Variants in ZC3H18 observed in about 807,000 individuals in gnomAD.
ZC3H18 encodes zinc finger CCCH-type containing 18.
Under a neutral mutation model 106.1 loss-of-function variants are expected in ZC3H18, and 8 were observed. The ratio of observed to expected loss-of-function variants is 0.08; its 90% CI spans 0.04 to 0.14. The LOEUF is 0.14. ZC3H18 is among the 10% of genes least tolerant of loss of function. The pLI is 1.00. For synonymous variants in ZC3H18, 635 were observed against 522.1 expected (o/e 1.22, Z -2.95); for missense variants, 1,318 against 1,278.4 (o/e 1.03, Z -0.47).
At position 88,608,971 on chromosome 16, in the gene ZC3H18, A is replaced by G. The variant is rs1305642783; in HGVS notation, c.1126A>G (p.Ile376Val). Residue 376 changes from isoleucine to valine, a missense_variant, in exon 7 of 18, where the codon ATT (isoleucine) becomes GTT (valine). By Grantham distance (29) the Ile-to-Val change is conservative. Around this residue, in one of 6 missense-constraint regions of ZC3H18, gnomAD observed 848 missense variants for 821.7 expected, o/e 1.03. Transcript: ENST00000301011. ...CGCAGACCCTTATTATGACTATGAAATTGAGCGGTTTTGGCGTGGCGGACA... is the reference window on the plus strand; with the variant it reads ...CGCAGACCCTTATTATGACTATGAAGTTGAGCGGTTTTGGCGTGGCGGACA... Reference protein sequence around the residue: ...PYADPYYDYEIERFWRGGQYE... With the variant: ...PYADPYYDYEVERFWRGGQYE... 3.7e-6 allele frequency: 6 copies of G among 1,613,808 alleles called. No individual in the cohort carries two copies. In the African/African-American group the frequency reaches 6.7e-5, roughly 18 times the overall value.
chr16:88,572,956 ACT>A (rs1425671801), intron 1 of ZC3H18, among the ~76,000 whole-genome samples: 1 of 151,878 alleles, frequency 6.6e-6, no homozygotes, highest in East Asian at 1.9e-4. Flanking sequence ...CAGGGGTTTC[ACT>A]GTGTTGGCCA....
At chr16:88,571,188 T>C (rs1031037534) in intron 1 of ZC3H18, among the ~76,000 whole-genome samples, 7 of 152,240 alleles carry the variant, frequency 4.6e-5, no homozygotes, top group Non-Finnish European at 1.0e-4. Flanking sequence ...TTAACAGCCT[T>C]ACTCCTGCCA....
At position 88,628,003 on chromosome 16, in the gene ZC3H18, C is replaced by T. The variant is rs1906420591; in HGVS notation, c.2353C>T (p.Pro785Ser). Residue 785 changes from proline (P) to serine (S), a missense_variant, in exon 15 of 18, where the codon CCA (proline) becomes TCA (serine). Transcript: ENST00000301011. The part of the protein sequence containing the change: ...STQPPKSAKP[P>S]AGGKSSQQPS... Reference sequence around the variant, plus strand: ...ACAACCACCCAAATCTGCAAAACCTCCAGCAGGGGGGAAGTCCTCCCAGCA... The same window carrying T: ...ACAACCACCCAAATCTGCAAAACCTTCAGCAGGGGGGAAGTCCTCCCAGCA... The T allele has an allele frequency of 2.5e-6, 4 of 1,614,190 alleles. No homozygotes were observed. The highest frequency in any genetic ancestry group is 3.4e-6 in the Non-Finnish European group (4 of 1,180,044).
At chr16:88,572,527 A>G (rs1010039556) in intron 1 of ZC3H18, among the ~76,000 whole-genome samples, 1 of 152,060 alleles carries the variant, frequency 6.6e-6, no homozygotes, top group African/African-American at 2.4e-5. Flanking sequence ...AGACGGGACG[A>G]TGGGCACTTG....
chr16:88,575,401 G>A (rs1159678118), intron 1 of ZC3H18, among the ~76,000 whole-genome samples: 2 of 151,960 alleles, frequency 1.3e-5, no homozygotes, highest in Non-Finnish European at 2.9e-5. Flanking sequence ...CAGTGTGACC[G>A]TGACATACGT....
Position 88,623,285 on chromosome 16 carries a change from C to T in ZC3H18, c.1734C>T (p.Ser578=). Residue 578 remains serine (S), a synonymous_variant, in exon 10 of 18, where the codon TCC becomes TCT. Coordinates refer to ENST00000301011, the MANE Select transcript of ZC3H18 (RefSeq NM_144604.4). ...CCCGGTCGCGATCCCGGTCTTCATCCTACAGCTCCTACTCCAGCCGCTCTT... is the reference window on the plus strand; with the variant it reads ...CCCGGTCGCGATCCCGGTCTTCATCTTACAGCTCCTACTCCAGCCGCTCTT... ...GSSRSRSRSS[S]YSSYSSRSSR... 1 of 1,613,796 alleles carries T rather than the reference C, an allele frequency of 6.2e-7. No homozygotes were observed.
At chr16:88,602,200 A>T (rs1904784139) in intron 6 of ZC3H18, among the ~76,000 whole-genome samples, 1 of 152,228 alleles carries the variant, frequency 6.6e-6, no homozygotes, top group Non-Finnish European at 1.5e-5. Flanking sequence ...AGCAGGTCGC[A>T]GCTTGTAGGG....
intron 2 of ZC3H18, among the ~76,000 whole-genome samples, chr16:88,582,219 C>CT (rs71391393): frequency 0.08 from 6,153 of 76,656 alleles, 705 homozygotes; most frequent in Non-Finnish European, 0.099. Flanking sequence ...TTTTTCTTTT[C>CT]TTTTTTTTTT....
intron 3 of ZC3H18, among the ~76,000 whole-genome samples, chr16:88,594,734 A>G (rs373252139): frequency 2.6e-5 from 4 of 152,372 alleles, no homozygotes; most frequent in East Asian, 3.9e-4. Context: ...TAGGTGGTCA[A>G]CTTCACAGTG....
intron 8 of ZC3H18, among the ~76,000 whole-genome samples, chr16:88,612,453 C>T (rs180882855): frequency 6.6e-6 from 1 of 150,376 alleles, no homozygotes. Context: ...TGCTTGAAGC[C>T]AGGAGTTTGA....
At chr16:88,622,124 C>T (rs1381782848) in intron 8 of ZC3H18, 73 bp from the exon 9 acceptor site, 9 of 1,503,126 alleles carry the variant, frequency 6.0e-6, no homozygotes, top group South Asian at 1.3e-5. Flanking sequence ...TAGTCTCTCC[C>T]GCTGCTGTCA....
intron 10 of ZC3H18, chr16:88,623,545 C>A: frequency 3.0e-6 from 2 of 671,872 alleles, no homozygotes; most frequent in Non-Finnish European, 4.9e-6. Flanking sequence ...TGTGTAGATG[C>A]GTGCTGTCAC....
At position 88,627,542 on chromosome 16, in the gene ZC3H18, A is replaced by G; in HGVS notation, c.2109-80A>G. 1 of 1,522,428 alleles carries G rather than the reference A, an allele frequency of 6.6e-7. No individual in the cohort carries two copies. Among genetic ancestry groups the G allele is most frequent in the Non-Finnish European group, 8.9e-7 (1 of 1,129,014 alleles). 94.3% of individuals were successfully genotyped at this position (1,522,428 alleles called of 1,614,324 possible). A position where few individuals can be genotyped will look rare whatever the true frequency, so the allele number is the denominator to read the frequency against. ...ATGATCCATAAATGGACACTGCGTA[A>G]AAGTGGACCATGGAGCACCCCCTGC... On this transcript the variant is annotated intron_variant, in intron 13 of 17. Coordinates refer to ENST00000301011, the MANE Select transcript of ZC3H18 (RefSeq NM_144604.4). This position sits in a 1 kb window ranked among gnomAD's most constrained non-coding sequence, Gnocchi z 4.5.
Position 88,625,229 on chromosome 16 carries a change from CAGTGGT to C in ZC3H18, c.2073_2078del (p.Gly692_Ser693del). On this transcript the variant is annotated inframe_deletion, in exon 13 of 18. Coordinates refer to ENST00000301011, the MANE Select transcript of ZC3H18 (RefSeq NM_144604.4). Reference sequence around the variant, plus strand: ...GGACGCTAAGCGGCAGCGGCAGTGGCAGTGGTAGCAGCTATAGTGGTTCCAGCTCCC... The same window carrying C: ...GGACGCTAAGCGGCAGCGGCAGTGGCAGCAGCTATAGTGGTTCCAGCTCCC... The C allele has an allele frequency of 6.3e-7, 1 of 1,592,554 alleles. No homozygotes were observed.
chr16:88,606,918 C>T (rs1905035417), intron 6 of ZC3H18, among the ~76,000 whole-genome samples: 1 of 152,136 alleles, frequency 6.6e-6, no homozygotes, highest in African/African-American at 2.4e-5. Context: ...GCCTCAGGTT[C>T]CCACCCAGTC....
chr16:88,631,161 A>C lies in ZC3H18; in HGVS notation c.2724A>C (p.Lys908Asn), dbSNP rs766856930. ...GCAAGGTCACGAGCGTGCCCGGCAAAGCCTCGGATCCCGGCGCCGCCAGCA... is the reference window on the plus strand; with the variant it reads ...GCAAGGTCACGAGCGTGCCCGGCAACGCCTCGGATCCCGGCGCCGCCAGCA... Reference protein sequence around the residue: ...SSSKVTSVPGKASDPGAASTK... With the variant: ...SSSKVTSVPGNASDPGAASTK... Residue 908 changes from lysine (K) to asparagine (N), a missense_variant, in exon 18 of 18, where the codon AAA becomes AAC. By Grantham distance (94) the Lys-to-Asn change is moderately conservative. This residue lies in a region of ZC3H18 where 848 missense variants were observed against 821.7 expected (regional missense o/e 1.03). Coordinates refer to ENST00000301011, the MANE Select transcript of ZC3H18 (RefSeq NM_144604.4). 2.4e-5 allele frequency: 39 copies of C among 1,613,508 alleles called. No individual in the cohort carries two copies. Among genetic ancestry groups the C allele is most frequent in the Non-Finnish European group, 3.2e-5 (38 of 1,180,010 alleles).
At chr16:88,585,522 C>T (rs1234654145) in intron 2 of ZC3H18, among the ~76,000 whole-genome samples, 1 of 152,204 alleles carries the variant, frequency 6.6e-6, no homozygotes, top group African/African-American at 2.4e-5. Flanking sequence ...GCTGCAACAC[C>T]TGCAGGGCTT....
intron 3 of ZC3H18, among the ~76,000 whole-genome samples, chr16:88,593,641 G>A (rs1386830359): frequency 1.3e-5 from 2 of 152,196 alleles, no homozygotes; most frequent in Non-Finnish European, 2.9e-5. Context: ...GCACGTGCAA[G>A]GCTGGAGCTG....
chr16:88,630,764 CCACACACA>C (rs1335039545), intron 17 of ZC3H18, among the ~76,000 whole-genome samples, 183 bp downstream of exon 17: 1 of 110,724 alleles, frequency 9.0e-6, no homozygotes, highest in African/African-American at 3.1e-5. Context: ...CCACCCCCCC[CCACACACA>C]CACACACGCT....
Sources: gnomAD v4.1 joint callset for allele counts (sites outside exome capture counted in the v4.1 genomes callset) on GRCh38, gnomAD v4.1.1 for gene constraint, gnomAD v4.1.1 regional missense constraint, Gnocchi (gnomAD v3.1) non-coding constraint, MANE v1.5 for transcripts, NCBI Gene and HGNC (gene_info 2026-07-23, HGNC 2026-07-21) for gene names.